The following FCHSD1 variants were observed in gnomAD, a reference collection of about 807,000 sequenced individuals.
The protein encoded by FCHSD1 is F-BAR and double SH3 domains protein 1.
FCHSD1 carries 109 observed loss-of-function variants against 101.3 expected under a neutral mutation model. That is an observed-to-expected ratio of 1.08 (90% CI 0.92 to 1.26). FCHSD1 has a LOEUF of 1.26. Ranked by LOEUF, FCHSD1 falls within the 50% of genes most tolerant of loss-of-function variation. The pLI, the probability that FCHSD1 is intolerant of heterozygous loss-of-function variation, is 0.00. For synonymous variants in FCHSD1, 291 were observed against 356.8 expected (o/e 0.82, Z 2.08); for missense variants, 820 against 895.8 (o/e 0.92, Z 1.08).
intron 13 of FCHSD1, 112 bp downstream of exon 13, chr5:141,645,659 G>T: frequency 1.6e-6 from 2 of 1,287,976 alleles, no homozygotes; most frequent in Non-Finnish European, 2.1e-6. Flanking sequence ...CTTAAGCCTC[G>T]TAATAACCCT....
At chr5:141,646,261 CT>C in intron 11 of FCHSD1, 70 bp from the exon 12 acceptor site, 2 of 1,341,872 alleles carry the variant, frequency 1.5e-6, no homozygotes, top group Non-Finnish European at 2.1e-6. Context: ...GGGACTGGTA[CT>C]TTGCTAGTTG....
At chr5:141,641,674 C>T in intron 19 of FCHSD1, 28 bp downstream of exon 19, 1 of 1,613,834 alleles carries the variant, frequency 6.2e-7, no homozygotes, top group East Asian at 2.2e-5. Context: ...CCTCTACATA[C>T]AATCTCCTCC....
chr5:141,647,638 T>C, intron 8 of FCHSD1, 118 bp from the exon 9 acceptor site: 1 of 1,496,014 alleles, frequency 6.7e-7, no homozygotes, highest in South Asian at 1.3e-5. Flanking sequence ...GAAGAAGACA[T>C]TCTTCATGAG....
chr5:141,645,684 A>T (rs2099907565), intron 13 of FCHSD1, 87 bp downstream of exon 13: 17 of 1,440,282 alleles, frequency 1.2e-5, no homozygotes, highest in Non-Finnish European at 1.6e-5. Context: ...GTTAGGCACA[A>T]CTGTGATTCC....
Position 141,649,184 on chromosome 5 carries a change from T to C in FCHSD1, c.500A>G (p.Asp167Gly). 1 of 1,613,978 alleles carries C rather than the reference T, an allele frequency of 6.2e-7. No homozygotes were observed. The highest frequency in any genetic ancestry group is 1.1e-5 in the South Asian group (1 of 91,082). Residue 167 changes from aspartate (D) to glycine (G), a missense_variant, in exon 6 of 20, where the codon GAT (aspartate) becomes GGT (glycine). By Grantham distance (94) the Asp-to-Gly change is moderately conservative. Transcript: ENST00000435817. The surrounding 1 kb of genome is among the most constrained non-coding windows in gnomAD (Gnocchi z 4.1). The stretch of plus-strand genomic sequence containing the variant: ...TCCATGACCCCACCTGGCCTGGACA[T>C]CAGCCGCCTTCTCCTGTGCCAAGGC... ...VWALAQEKAA[D>G]VQARLNRSDH...
At position 141,640,109 on chromosome 5, in the gene FCHSD1, C is replaced by T. The variant is rs2099906666; in HGVS notation, c.*1389G>A. On this transcript the variant is annotated 3_prime_UTR_variant, in exon 20 of 20. Transcript: ENST00000435817. ...CCCCTGAGAGGCCACAGCCCCAGGT[C>T]CTAGCCAGCCCCCCAGTACAGAATG... 1 of 1,613,762 alleles carries T rather than the reference C, an allele frequency of 6.2e-7. No homozygotes were observed. Among genetic ancestry groups the T allele is most frequent in the Admixed American group, 1.7e-5 (1 of 59,998 alleles).
rs1596465601 is a variant in FCHSD1 at position 141,647,837 on chromosome 5, G to C, written c.705+131C>G. The stretch of plus-strand genomic sequence containing the variant: ...AGCTAGGAGCAGAACCAGAGTGCAT[G>C]TATGTATCATCTACTCACTCTAAAC... On this transcript the variant is annotated intron_variant, in intron 8 of 19. Coordinates refer to ENST00000435817, the MANE Select transcript of FCHSD1 (RefSeq NM_033449.3). The C allele has an allele frequency of 6.1e-6, 8 of 1,311,930 alleles. No homozygotes were observed. The East Asian group carries it at 2.0e-4, about 33-fold the overall frequency. 81.3% of individuals were successfully genotyped at this position (1,311,930 alleles called of 1,614,324 possible).
chr5:141,647,218 G>A lies in FCHSD1; in HGVS notation c.841C>T (p.Gln281Ter), dbSNP rs186315539. Residue 281 changes from glutamine (Q) to a stop codon, truncating the protein, a stop_gained, in exon 10 of 20, where the codon CAA (glutamine) becomes TAA (stop). Transcript: ENST00000435817. LOFTEE classifies it high-confidence loss of function. The stretch of plus-strand genomic sequence containing the variant: ...TCCTGAAGAAACAGCTTCAGGTCTT[G>A]CTCCCAGCTTACCTAGGGGTTGGGA... Reference protein sequence around the residue: ...EQTTSQVSWEQDLKLFLQEPG... With the variant: ...EQTTSQVSWE 1 of 1,606,096 alleles carries A rather than the reference G, an allele frequency of 6.2e-7. No homozygotes were observed. The highest frequency in any genetic ancestry group is 2.2e-5 in the East Asian group (1 of 44,674).
Position 141,640,205 on chromosome 5 carries a change from A to G in FCHSD1, c.*1293T>C, listed in dbSNP as rs779454867. ...ACCCCAGAGCTTCTGCAGAGCCAACACTGAGGGCCGGAGGGAGGGGCCCAA... is the reference window on the plus strand; with the variant it reads ...ACCCCAGAGCTTCTGCAGAGCCAACGCTGAGGGCCGGAGGGAGGGGCCCAA... On this transcript the variant is annotated 3_prime_UTR_variant, in exon 20 of 20. Transcript: ENST00000435817. 3.7e-6 allele frequency: 6 copies of G among 1,614,012 alleles called. No homozygotes were observed. In the South Asian group the frequency reaches 5.5e-5, roughly 15 times the overall value.
rs754207950 is a variant in FCHSD1, at chr5:141,646,108, T to C, written c.1128A>G (p.Arg376=). ...TCACCTGTGCCCGGCGGATGCTCTC[T>C]CGCACTTCCTGTAACCTCTGTTCTA... The part of the protein sequence containing the change: ...PSIEQRLQEV[R]ESIRRAQVSQ... The change falls in exon 12 of 20, where the codon CGA becomes CGG. Residue 376 remains arginine, a synonymous_variant. Transcript: ENST00000435817. The C allele has an allele frequency of 6.2e-7, 1 of 1,612,036 alleles. No homozygotes were observed. Among genetic ancestry groups the C allele is most frequent in the South Asian group, 1.1e-5 (1 of 90,610 alleles).
In FCHSD1 at chr5:141,639,967, G is replaced by A. The variant is rs368350946; in HGVS notation, c.*1531C>T. 2.0e-5 allele frequency: 32 copies of A among 1,613,990 alleles called. No individual in the cohort carries two copies. The Middle Eastern group carries it at 5.0e-4, about 25-fold the overall frequency. ...AAGCGCTATGGACTGCACGAACACC[G>A]TGATGGCTCCCCCACAGACAGGAGC... On this transcript the variant is annotated 3_prime_UTR_variant, in exon 20 of 20. Coordinates refer to ENST00000435817, the MANE Select transcript of FCHSD1 (RefSeq NM_033449.3). The surrounding 1 kb of genome is among the most constrained non-coding windows in gnomAD (Gnocchi z 4.4).
intron 19 of FCHSD1, 41 bp from the exon 20 acceptor site, chr5:141,641,604 A>C: frequency 1.2e-6 from 2 of 1,600,650 alleles, no homozygotes; most frequent in South Asian, 2.2e-5. Context: ...GTTCTCCCTT[A>C]AGGGTATCCC....
In FCHSD1 at chr5:141,641,927, C is replaced by G. The variant is rs550527850; in HGVS notation, c.1952-170G>C. 3 of 703,614 alleles carry G rather than the reference C, an allele frequency of 4.3e-6. No homozygotes were observed. In the Admixed American group the frequency reaches 7.1e-5, roughly 17 times the overall value. 43.6% of individuals were successfully genotyped at this position (703,614 alleles called of 1,614,324 possible). On this transcript the variant is annotated intron_variant, in intron 18 of 19. Coordinates refer to ENST00000435817, the MANE Select transcript of FCHSD1 (RefSeq NM_033449.3). ...GTCCTCAACATTTATTGGGCAACTGCTGTATAATCAGCTCTGCTCAAGGTA... is the reference window on the plus strand; with the variant it reads ...GTCCTCAACATTTATTGGGCAACTGGTGTATAATCAGCTCTGCTCAAGGTA...
Position 141,643,080 on chromosome 5 carries a change from C to A in FCHSD1, c.1872G>T (p.Pro624=). 6.7e-7 allele frequency: 1 copy of A among 1,490,214 alleles called. No homozygotes were observed. The highest frequency in any genetic ancestry group is 8.9e-7 in the Non-Finnish European group (1 of 1,120,646). 92.3% of individuals were successfully genotyped at this position (1,490,214 alleles called of 1,614,324 possible). The change falls in exon 18 of 20, where the codon CCG becomes CCT. Residue 624 remains proline, a synonymous_variant. Transcript: ENST00000435817. ...GGGAGAAGCTGGGAGGAGAAGGGGA[C>A]GGCAGCATCTGGAGGTGGGGTGGGC... The part of the protein sequence containing the change: ...PELSDPEQML[P]SPSPPSFSPP...
At chr5:141,646,776 A>G in intron 10 of FCHSD1, 54 bp from the exon 11 acceptor site, 1 of 1,584,052 alleles carries the variant, frequency 6.3e-7, no homozygotes, top group South Asian at 1.1e-5. Flanking sequence ...CCTTCTCTCC[A>G]GTTCCCTCCT....
rs188477551 is a variant in FCHSD1 at position 141,643,738 on chromosome 5, C to T, written c.1863+480G>A. 7.1e-3 allele frequency among the ~76,000 whole-genome samples: 1,086 copies of T among 152,016 alleles called. 18 individuals carry two copies. Among genetic ancestry groups the T allele is most frequent in the African/African-American group, 0.025 (1,031 of 41,416 alleles). ...CAGCACGTGCCTGTAATCCCAGCTA[C>T]TCGAGGGGCTGATACAGGAGAATCG... On this transcript the variant is annotated intron_variant, in intron 17 of 19. Coordinates refer to ENST00000435817, the MANE Select transcript of FCHSD1 (RefSeq NM_033449.3).
chr5:141,648,134 C>T (rs778707407), intron 7 of FCHSD1, 38 bp from the exon 8 acceptor site: 3 of 1,566,234 alleles, frequency 1.9e-6, no homozygotes, highest in Admixed American at 3.6e-5. Flanking sequence ...AAGCCCTAGA[C>T]CCCCAGAGTC....
Position 141,645,017 on chromosome 5 carries a change from T to C in FCHSD1, c.1440+3A>G. ...CATCAGAGGTCCCCACCCCCATTCA[T>C]ACCTGATAGCGAAATACCACGTGTG... On this transcript the variant is annotated splice_donor_region_variant and intron_variant, in intron 14 of 19. Coordinates refer to ENST00000435817, the MANE Select transcript of FCHSD1 (RefSeq NM_033449.3). 2.5e-6 allele frequency: 4 copies of C among 1,612,750 alleles called. No homozygotes were observed. The highest frequency in any genetic ancestry group is 3.4e-6 in the Non-Finnish European group (4 of 1,179,012).
Position 141,649,439 on chromosome 5 carries a change from C to G in FCHSD1, c.331G>C (p.Ala111Pro). 5 of 1,613,908 alleles carry G rather than the reference C, an allele frequency of 3.1e-6. No homozygotes were observed. Among genetic ancestry groups the G allele is most frequent in the Non-Finnish European group, 3.4e-6 (4 of 1,179,904 alleles). The change falls in exon 5 of 20, where the codon GCA becomes CCA. Residue 111 changes from alanine to proline, a missense_variant. By Grantham distance (27) the Ala-to-Pro change is conservative (BLOSUM62 -1). Coordinates refer to ENST00000435817, the MANE Select transcript of FCHSD1 (RefSeq NM_033449.3). The surrounding 1 kb of genome is among the most constrained non-coding windows in gnomAD (Gnocchi z 4.1). ...TTGGCGCTCCGCCCTGTACCCCCTG[C>G]TAGGTCACGGTATCGGTCAGACGCC... ...LQASDRYRDL[A>P]GGTGRSAKEQ...
Sources: allele counts gnomAD v4.1 joint callset (sites outside exome capture counted in the v4.1 genomes callset), GRCh38; gene constraint gnomAD v4.1.1; non-coding constraint Gnocchi (gnomAD v3.1); transcripts MANE v1.5; gene names NCBI Gene and HGNC (gene_info 2026-07-23, HGNC 2026-07-21).